Variants in RAB11FIP3 observed in about 807,000 individuals in gnomAD.
RAB11FIP3 encodes the protein RAB11 family interacting protein 3, also known as rab11 family-interacting protein 3.
In RAB11FIP3, 17 loss-of-function variants were observed where a neutral mutation model predicts 77.8. The ratio of observed to expected loss-of-function variants is 0.22; its 90% CI spans 0.15 to 0.33. RAB11FIP3 has a LOEUF of 0.33. Ranked by LOEUF, RAB11FIP3 falls within the 10% of genes least tolerant of loss-of-function variation. The probability of loss-of-function intolerance (pLI) is 1.00; values close to 1 mark genes in which losing one functional copy is unlikely to be tolerated. For missense variants in RAB11FIP3, 1,005 were observed against 1,011.2 expected (o/e 0.99, Z 0.08); for synonymous variants, 437 against 448.2 (o/e 0.98, Z 0.31).
intron 1 of RAB11FIP3, among the ~76,000 whole-genome samples, chr16:427,909 C>G (rs879674905): frequency 1.3e-5 from 2 of 151,478 alleles, no homozygotes; most frequent in Non-Finnish European, 2.9e-5. Flanking sequence ...ACCATCCTGG[C>G]TAATATGGTG....
intron 1 of RAB11FIP3, among the ~76,000 whole-genome samples, chr16:441,211 G>A (rs574966591): frequency 1.0e-3 from 159 of 152,268 alleles, no homozygotes; most frequent in African/African-American, 3.7e-3. Flanking sequence ...CAGAGTGCTG[G>A]GATTATAGGC....
intron 1 of RAB11FIP3, among the ~76,000 whole-genome samples, chr16:446,003 G>T (rs558178310): frequency 1.3e-5 from 2 of 152,248 alleles, no homozygotes; most frequent in East Asian, 1.9e-4. Flanking sequence ...ACACAGAGAC[G>T]AGGGTGCATC....
rs113619118 is a variant in RAB11FIP3, at chr16:481,087, T to G, written c.904-1438T>G. On this transcript the variant is annotated intron_variant, in intron 3 of 13. Transcript: ENST00000262305. ...GCCTCCCAAAGTGCTGGGATTACAG[T>G]CGTGAGCCATTGCGGCCAGCTGTTA... Among the ~76,000 whole-genome samples the G allele has an allele frequency of 1.1e-3, 63 of 56,482 alleles. 5 individuals carry two copies. The highest frequency in any genetic ancestry group is 0.017 in the Middle Eastern group (1 of 58). The allele number at this position is 56,482 out of a possible 152,430, so 37.1% of individuals were successfully genotyped here.
intron 1 of RAB11FIP3, among the ~76,000 whole-genome samples, chr16:440,148 G>C (rs1051347329): frequency 1.3e-5 from 2 of 151,864 alleles, no homozygotes; most frequent in African/African-American, 2.4e-5. Flanking sequence ...CGGCCTTCTT[G>C]GTTGATTAAT....
rs948699144 is a variant in RAB11FIP3, at chr16:514,933, G to A, written c.1641-4010G>A. ...GGTGTGTGGTGCTTTCTAGCAGCAC[G>A]TGAGCCAAGGAAGCCCAGGGAAGCC... On this transcript the variant is annotated intron_variant, in intron 9 of 13. Coordinates refer to ENST00000262305, the MANE Select transcript of RAB11FIP3 (RefSeq NM_014700.4). The surrounding 1 kb of genome is among the most constrained non-coding windows in gnomAD (Gnocchi z 4.6). Among the ~76,000 whole-genome samples, 2 of 152,218 alleles carry A rather than the reference G, an allele frequency of 1.3e-5. No individual in the cohort carries two copies. The highest frequency in any genetic ancestry group is 4.8e-5 in the African/African-American group (2 of 41,456).
At chr16:446,299 G>A (rs897532077) in intron 1 of RAB11FIP3, among the ~76,000 whole-genome samples, 9 of 152,162 alleles carry the variant, frequency 5.9e-5, no homozygotes, top group African/African-American at 1.4e-4. Context: ...TTTCTGACCC[G>A]TATCTGAAAT....
At chr16:482,968 CTG>C (rs77827251) in intron 4 of RAB11FIP3, among the ~76,000 whole-genome samples, 60,899 of 152,016 alleles carry the variant, frequency 0.4, 13,784 homozygotes, top group Middle Eastern at 0.54. Flanking sequence ...GTCAGGACGA[CTG>C]TGGTTTCAAA....
chr16:516,511 T>C (rs1230332723), intron 9 of RAB11FIP3, among the ~76,000 whole-genome samples: 5 of 152,222 alleles, frequency 3.3e-5, no homozygotes, highest in African/African-American at 4.8e-5. Flanking sequence ...AAACTCATAG[T>C]GACAGCCTTG....
intron 1 of RAB11FIP3, among the ~76,000 whole-genome samples, chr16:433,694 A>C (rs2055079413): frequency 6.8e-6 from 1 of 146,780 alleles, no homozygotes; most frequent in Non-Finnish European, 1.5e-5. Flanking sequence ...TAAAAATACA[A>C]AAAAAAAAAA....
In RAB11FIP3 at chr16:469,641, C is replaced by T. The variant is rs547610047; in HGVS notation, c.809-1654C>T. 2.3e-3 allele frequency among the ~76,000 whole-genome samples: 351 copies of T among 152,224 alleles called. 1 individual carries two copies. Among genetic ancestry groups the T allele is most frequent in the Middle Eastern group, 6.8e-3 (2 of 292 alleles). ...CTGACCTTAAGTGATCCGCCCGCCT[C>T]GGCCTCCCAAAGTGCTAGGATTACA... On this transcript the variant is annotated intron_variant, in intron 2 of 13. Coordinates refer to ENST00000262305, the MANE Select transcript of RAB11FIP3 (RefSeq NM_014700.4).
intron 1 of RAB11FIP3, among the ~76,000 whole-genome samples, chr16:442,827 G>A (rs985250125): frequency 2.0e-5 from 3 of 152,288 alleles, no homozygotes; most frequent in Non-Finnish European, 4.4e-5. Context: ...CCGTGCTAGA[G>A]CGGTCATCTC....
chr16:434,485 G>A (rs2055094949), intron 1 of RAB11FIP3, among the ~76,000 whole-genome samples: 1 of 151,700 alleles, frequency 6.6e-6, no homozygotes, highest in Non-Finnish European at 1.5e-5. Flanking sequence ...GGAGTGCAGT[G>A]GTGCAATCAC....
intron 1 of RAB11FIP3, among the ~76,000 whole-genome samples, chr16:435,168 G>A (rs1445217262): frequency 1.3e-5 from 2 of 150,296 alleles, no homozygotes; most frequent in African/African-American, 4.9e-5. Context: ...TCTTGCCACT[G>A]CACTCCAGCC....
intron 7 of RAB11FIP3, among the ~76,000 whole-genome samples, chr16:504,662 C>T (rs1396357767): frequency 3.1e-4 from 2 of 6,434 alleles, no homozygotes; most frequent in African/African-American, 1.4e-3. Context: ...CCTCCTCCTG[C>T]ACCCCCCTTA....
In RAB11FIP3 at chr16:506,491, G is replaced by A. The variant is rs1312174854; in HGVS notation, c.1499+864G>A. On this transcript the variant is annotated intron_variant, in intron 8 of 13. Coordinates refer to ENST00000262305, the MANE Select transcript of RAB11FIP3 (RefSeq NM_014700.4). This position sits in a 1 kb window ranked among gnomAD's most constrained non-coding sequence, Gnocchi z 4.5. Reference sequence around the variant, plus strand: ...CGGCTCTTCCACATATTCTCAGCTCGGCCAAGGGCCCTGTCCCTTGAAGCT... The same window carrying A: ...CGGCTCTTCCACATATTCTCAGCTCAGCCAAGGGCCCTGTCCCTTGAAGCT... 6.6e-6 allele frequency among the ~76,000 whole-genome samples: 1 copy of A among 152,124 alleles called. No homozygotes were observed. Among genetic ancestry groups the A allele is most frequent in the African/African-American group, 2.4e-5 (1 of 41,428 alleles).
chr16:440,979 C>T (rs538612278), intron 1 of RAB11FIP3, among the ~76,000 whole-genome samples: 14 of 151,742 alleles, frequency 9.2e-5, no homozygotes, highest in South Asian at 6.2e-4. Flanking sequence ...CTCGCTTTGT[C>T]GCCCAGGGTG....
Position 426,071 on chromosome 16 carries a change from G to GCGGGCCGGA in RAB11FIP3, c.74_82dup (p.Asp25_Pro27dup). The GCGGGCCGGA allele has an allele frequency of 3.0e-6, 3 of 1,000,950 alleles. No homozygotes were observed. Among genetic ancestry groups the GCGGGCCGGA allele is most frequent in the Non-Finnish European group, 3.6e-6 (3 of 841,724 alleles). 62.0% of individuals were successfully genotyped at this position (1,000,950 alleles called of 1,614,324 possible). A position where few individuals can be genotyped will look rare whatever the true frequency, so the allele number is the denominator to read the frequency against. ...CCGCCGGGGCCCGACCCGGAGCCGG[G>GCGGGCCGGA]CGGGCCGGACGGGCCGGGGGCGGCA... is the stretch of plus-strand genomic sequence containing the variant. On this transcript the variant is annotated inframe_insertion, in exon 1 of 14. Coordinates refer to ENST00000262305, the MANE Select transcript of RAB11FIP3 (RefSeq NM_014700.4). This position sits in a 1 kb window ranked among gnomAD's most constrained non-coding sequence, Gnocchi z 5.0.
rs1445587294 is a variant in RAB11FIP3 at position 452,922 on chromosome 16, T to A, written c.715-8482T>A. ...GGCGCCCGCCACCACGCCCGGCTAA[T>A]TTTTTGTATTTTTAGTAGAGATGGG... is the stretch of plus-strand genomic sequence containing the variant. On this transcript the variant is annotated intron_variant, in intron 1 of 13. Coordinates refer to ENST00000262305, the MANE Select transcript of RAB11FIP3 (RefSeq NM_014700.4). Among the ~76,000 whole-genome samples the A allele has an allele frequency of 2.4e-3, 117 of 49,628 alleles. 1 individual carries two copies. The highest frequency in any genetic ancestry group is 0.042 in the Middle Eastern group (2 of 48). 32.6% of individuals were successfully genotyped at this position (49,628 alleles called of 152,430 possible). A position where few individuals can be genotyped will look rare whatever the true frequency, so the allele number is the denominator to read the frequency against.
At chr16:489,900 C>T (rs2030019449) in intron 5 of RAB11FIP3, among the ~76,000 whole-genome samples, 1 of 152,190 alleles carries the variant, frequency 6.6e-6, no homozygotes, top group Non-Finnish European at 1.5e-5. Context: ...TGCTCTGGTC[C>T]CGGCGAGCGT....
Sources: gnomAD v4.1 joint callset for allele counts (sites outside exome capture counted in the v4.1 genomes callset) on GRCh38, gnomAD v4.1.1 for gene constraint, Gnocchi (gnomAD v3.1) non-coding constraint, MANE v1.5 for transcripts, NCBI Gene and HGNC (gene_info 2026-07-23, HGNC 2026-07-21) for gene names.